Variants in CEACAM16 observed in about 807,000 individuals in gnomAD.
CEACAM16 encodes cell adhesion molecule CEACAM16.
CEACAM16 carries 30 observed loss-of-function variants against 39.4 expected under a neutral mutation model. The ratio of observed to expected loss-of-function variants is 0.76; its 90% CI spans 0.57 to 1.03. The LOEUF (loss-of-function observed/expected upper bound fraction) is 1.03. Among genes scored for constraint, CEACAM16 ranks in the 50% least tolerant of loss-of-function variants. CEACAM16 has a pLI of 0.00. For synonymous variants in CEACAM16, 262 were observed against 264.9 expected (o/e 0.99, Z 0.11); for missense variants, 521 against 585.3 (o/e 0.89, Z 1.13).
At chr19:44,708,283 C>G (rs767060571) in intron 6 of CEACAM16, 96 bp downstream of exon 6, 6 of 1,221,490 alleles carry the variant, frequency 4.9e-6, no homozygotes, top group Non-Finnish European at 6.7e-6. Flanking sequence ...GGACATAGAC[C>G]AAAGATGGAT....
rs1229998124 is a variant in CEACAM16 at position 44,710,505 on chromosome 19, A to G, written c.1277A>G (p.Ter426=). ...EVELQVAPLG[*] ...CCCATATGCCCCACAGCCCTGGGGT[A>G]ACAGCGTGACCCTGGAGACGTCCAG... Residue 426 remains the stop codon, a stop_retained_variant, in exon 7 of 7, where the codon TAA becomes TGA. Transcript: ENST00000587331. 1.2e-6 allele frequency: 2 copies of G among 1,613,508 alleles called. No individual in the cohort carries two copies. The highest frequency in any genetic ancestry group is 2.7e-5 in the African/African-American group (2 of 74,914).
In CEACAM16 at chr19:44,701,242, C is replaced by A. The variant is rs968818582; in HGVS notation, c.-96-119C>A. 14 of 641,948 alleles carry A rather than the reference C, an allele frequency of 2.2e-5. No individual in the cohort carries two copies. The highest frequency in any genetic ancestry group is 8.2e-5 in the East Asian group (3 of 36,748). 39.8% of individuals were successfully genotyped at this position (641,948 alleles called of 1,614,324 possible). A position where few individuals can be genotyped will look rare whatever the true frequency, so the allele number is the denominator to read the frequency against. ...CCAGGAGGCCTGCCCAGGTCACGGC[C>A]TCTGGCCGGTGCCCGCCACACCCAC... is the stretch of plus-strand genomic sequence containing the variant. On this transcript the variant is annotated intron_variant, in intron 1 of 6. Coordinates refer to ENST00000587331, the MANE Select transcript of CEACAM16 (RefSeq NM_001039213.4). This position sits in a 1 kb window ranked among gnomAD's most constrained non-coding sequence, Gnocchi z 4.0.
At chr19:44,703,255 T>G (rs1348579081) in intron 2 of CEACAM16, 94 bp from the exon 3 acceptor site, 2 of 1,152,436 alleles carry the variant, frequency 1.7e-6, no homozygotes, top group East Asian at 5.1e-5. Flanking sequence ...GACACTGGGC[T>G]GGGGACATGC....
intron 1 of CEACAM16, among the ~76,000 whole-genome samples, chr19:44,699,673 G>A (rs1022764826): frequency 1.3e-5 from 2 of 152,006 alleles, no homozygotes; most frequent in South Asian, 2.1e-4. Context: ...CACTGCGTCC[G>A]GCCATGAGCC....
intron 3 of CEACAM16, 111 bp downstream of exon 3, chr19:44,703,804 A>G: frequency 9.3e-7 from 1 of 1,075,650 alleles, no homozygotes; most frequent in African/African-American, 1.6e-5. Context: ...CAGGGAAACC[A>G]TCAGGGAATA....
At chr19:44,706,383 C>A (rs763733968) in intron 5 of CEACAM16, among the ~76,000 whole-genome samples, 6 of 151,992 alleles carry the variant, frequency 3.9e-5, no homozygotes, top group Non-Finnish European at 8.8e-5. Context: ...TTGCTTCTGT[C>A]CTAAAATGAC....
In CEACAM16 at chr19:44,708,119, G is replaced by A. The variant is rs778909340; in HGVS notation, c.1199G>A (p.Arg400His). ...VQKLNLTDTG[R>H]YTLKTVTVQG... is the part of the protein sequence containing the mutation. ...AAGCTGAACCTCACAGACACTGGCCGCTACACACTCAAGACTGTCACAGTG... is the reference window on the plus strand; with the variant it reads ...AAGCTGAACCTCACAGACACTGGCCACTACACACTCAAGACTGTCACAGTG... Residue 400 changes from arginine (R) to histidine (H), a missense_variant, in exon 6 of 7, where the codon CGC becomes CAC. Physicochemically the swap from Arg to His is conservative, Grantham distance 29 (BLOSUM62 0). Coordinates refer to ENST00000587331, the MANE Select transcript of CEACAM16 (RefSeq NM_001039213.4). 2.2e-5 allele frequency: 36 copies of A among 1,608,874 alleles called. No homozygotes were observed. Among genetic ancestry groups the A allele is most frequent in the South Asian group, 1.6e-4 (14 of 89,958 alleles).
rs753704474 is a variant in CEACAM16, at chr19:44,704,113, G to A, written c.478G>A (p.Ala160Thr). Residue 160 changes from alanine to threonine, a missense_variant, in exon 4 of 7, where the codon GCC (alanine) becomes ACC (threonine). Ala to Thr is a moderately conservative substitution (Grantham distance 58). Coordinates refer to ENST00000587331, the MANE Select transcript of CEACAM16 (RefSeq NM_001039213.4). ...TATGTGCAGCAGCCCCAGCCCCACC[G>A]CCGAGGTCCGCTGGTTCTTCAACGG... ...RLMCSSPSPT[A>T]EVRWFFNGGA... The A allele has an allele frequency of 1.0e-4, 163 of 1,599,776 alleles. 1 individual carries two copies. The South Asian group carries it at 1.6e-3, about 16-fold the overall frequency.
rs375462848 is a variant in CEACAM16 at position 44,705,784 on chromosome 19, G to A, written c.856G>A (p.Ala286Thr). ...DHLNISSMTA[A>T]QEGTYTCIAK... ...CCTCAACATCAGCAGCATGACAGCC[G>A]CCCAGGAGGGGACGTACACATGTAT... Residue 286 changes from alanine to threonine, a missense_variant, in exon 5 of 7, where the codon GCC becomes ACC. Ala to Thr is a moderately conservative substitution (Grantham distance 58). Coordinates refer to ENST00000587331, the MANE Select transcript of CEACAM16 (RefSeq NM_001039213.4). 344 of 1,613,996 alleles carry A rather than the reference G, an allele frequency of 2.1e-4. 2 individuals are homozygous for A. Among genetic ancestry groups the A allele is most frequent in the South Asian group, 2.1e-3 (194 of 91,088 alleles).
Position 44,710,496 on chromosome 19 carries a change from C to G in CEACAM16, c.1268C>G (p.Pro423Arg). Residue 423 changes from proline (P) to arginine (R), a missense_variant and splice_region_variant, in exon 7 of 7, where the codon CCC (proline) becomes CGC (arginine). Pro to Arg is a moderately radical substitution (Grantham distance 103). Coordinates refer to ENST00000587331, the MANE Select transcript of CEACAM16 (RefSeq NM_001039213.4). ...ETLEVELQVA[P>R]LG Reference sequence around the variant, plus strand: ...CCCCCTCGCCCCATATGCCCCACAGCCCTGGGGTAACAGCGTGACCCTGGA... The same window carrying G: ...CCCCCTCGCCCCATATGCCCCACAGGCCTGGGGTAACAGCGTGACCCTGGA... 1 of 1,613,628 alleles carries G rather than the reference C, an allele frequency of 6.2e-7. No homozygotes were observed. The highest frequency in any genetic ancestry group is 1.1e-5 in the South Asian group (1 of 91,058).
Position 44,704,078 on chromosome 19 carries a change from C to T in CEACAM16, c.443C>T (p.Thr148Ile), listed in dbSNP as rs750940508. 4 of 1,610,194 alleles carry T rather than the reference C, an allele frequency of 2.5e-6. No homozygotes were observed. The South Asian group carries it at 3.3e-5, about 13-fold the overall frequency. Residue 148 changes from threonine (T) to isoleucine (I), a missense_variant, in exon 4 of 7, where the codon ACC becomes ATC. Coordinates refer to ENST00000587331, the MANE Select transcript of CEACAM16 (RefSeq NM_001039213.4). ...ACAGCGCTGGTGGAACGTCGAGACA[C>T]CCTGCGCCTTATGTGCAGCAGCCCC... ...NSTALVERRD[T>I]LRLMCSSPSP...
At position 44,703,485 on chromosome 19, in the gene CEACAM16, A is replaced by C; in HGVS notation, c.174A>C (p.Thr58=). The change falls in exon 3 of 7, where the codon ACA becomes ACC. Residue 58 remains threonine (T), a synonymous_variant. Coordinates refer to ENST00000587331, the MANE Select transcript of CEACAM16 (RefSeq NM_001039213.4). ...CCTACAGCTGGTATGCGGGGCCCAC[A>C]CTCAGCGTGTCATACCTGGTGGCCA... The part of the protein sequence containing the change: ...LLAYSWYAGP[T]LSVSYLVASY... 1 of 1,613,744 alleles carries C rather than the reference A, an allele frequency of 6.2e-7. No individual in the cohort carries two copies.
chr19:44,701,599 G>A lies in CEACAM16; in HGVS notation c.37+106G>A, dbSNP rs1974348756. 8.9e-7 allele frequency: 1 copy of A among 1,127,526 alleles called. No individual in the cohort carries two copies. The highest frequency in any genetic ancestry group is 2.6e-4 in the Middle Eastern group (1 of 3,874). The allele number at this position is 1,127,526 out of a possible 1,614,324, so 69.8% of individuals were successfully genotyped here. A position where few individuals can be genotyped will look rare whatever the true frequency, so the allele number is the denominator to read the frequency against. The stretch of plus-strand genomic sequence containing the variant: ...GAAGGTGTGAGCAGAAGTCCAGCGT[G>A]CTAGGGAGGGAGGGCAGCCCTGCTT... On this transcript the variant is annotated intron_variant, in intron 2 of 6. Coordinates refer to ENST00000587331, the MANE Select transcript of CEACAM16 (RefSeq NM_001039213.4). The surrounding 1 kb of genome is among the most constrained non-coding windows in gnomAD (Gnocchi z 4.0).
intron 5 of CEACAM16, among the ~76,000 whole-genome samples, chr19:44,706,269 T>TACACACACAC (rs57354088): frequency 0.018 from 2,326 of 132,604 alleles, 30 homozygotes; most frequent in Non-Finnish European, 0.025. Context: ...ATGATGGGTA[T>TACACACACAC]ACACACACAC....
At position 44,701,242 on chromosome 19, in the gene CEACAM16, C is replaced by G; in HGVS notation, c.-96-119C>G. On this transcript the variant is annotated intron_variant, in intron 1 of 6. Coordinates refer to ENST00000587331, the MANE Select transcript of CEACAM16 (RefSeq NM_001039213.4). The surrounding 1 kb of genome is among the most constrained non-coding windows in gnomAD (Gnocchi z 4.0). Reference sequence around the variant, plus strand: ...CCAGGAGGCCTGCCCAGGTCACGGCCTCTGGCCGGTGCCCGCCACACCCAC... The same window carrying G: ...CCAGGAGGCCTGCCCAGGTCACGGCGTCTGGCCGGTGCCCGCCACACCCAC... The G allele has an allele frequency of 1.6e-6, 1 of 642,066 alleles. No individual in the cohort carries two copies. Among genetic ancestry groups the G allele is most frequent in the Non-Finnish European group, 2.8e-6 (1 of 357,980 alleles). The allele number at this position is 642,066 out of a possible 1,614,324, so 39.8% of individuals were successfully genotyped here. A position where few individuals can be genotyped will look rare whatever the true frequency, so the allele number is the denominator to read the frequency against.
chr19:44,703,895 G>A (rs1974394228), intron 3 of CEACAM16, 123 bp from the exon 4 acceptor site: 2 of 1,221,056 alleles, frequency 1.6e-6, no homozygotes, highest in East Asian at 2.6e-5. Flanking sequence ...ACCATTCTTT[G>A]TCCCTCCGGC....
intron 3 of CEACAM16, 142 bp from the exon 4 acceptor site, chr19:44,703,876 C>T (rs897607071): frequency 3.7e-5 from 41 of 1,106,968 alleles, no homozygotes; most frequent in Admixed American, 2.3e-4. Context: ...ATTAGACCTG[C>T]CTCCTAAAAC....
At chr19:44,700,368 C>A (rs1386449308) in intron 1 of CEACAM16, among the ~76,000 whole-genome samples, 1 of 152,108 alleles carries the variant, frequency 6.6e-6, no homozygotes, top group African/African-American at 2.4e-5. Flanking sequence ...AAACTCCTCA[C>A]CTCAGGTGAT....
chr19:44,702,223 G>A (rs1417553369), intron 2 of CEACAM16, among the ~76,000 whole-genome samples: 1 of 151,920 alleles, frequency 6.6e-6, no homozygotes, highest in East Asian at 1.9e-4. Context: ...AATCCAGGAG[G>A]TGGAGGTCAC....
Sources: allele counts gnomAD v4.1 joint callset (sites outside exome capture counted in the v4.1 genomes callset), GRCh38; gene constraint gnomAD v4.1.1; non-coding constraint Gnocchi (gnomAD v3.1); transcripts MANE v1.5; gene names NCBI Gene and HGNC (gene_info 2026-07-23, HGNC 2026-07-21).